SRGAP1: variants seen among roughly 807,000 people sequenced by gnomAD.
SRGAP1 encodes the protein SLIT-ROBO Rho GTPase activating protein 1.
In SRGAP1, 43 loss-of-function variants were observed where a neutral mutation model predicts 121.9. The observed-to-expected ratio is 0.35, with a 90% CI of 0.28 to 0.46. SRGAP1 has a LOEUF of 0.46. Ranked by LOEUF, SRGAP1 falls within the 20% of genes least tolerant of loss-of-function variation. SRGAP1 has a pLI of 1.00. For synonymous variants in SRGAP1, 447 were observed against 485.4 expected (o/e 0.92, Z 1.04); for missense variants, 1,102 against 1,350.9 (o/e 0.82, Z 2.89).
intron 1 of SRGAP1, among the ~76,000 whole-genome samples, chr12:63,871,207 C>A (rs1013764506): frequency 1.6e-4 from 24 of 152,222 alleles, no homozygotes; most frequent in African/African-American, 4.3e-4. Context: ...ACCTTTCTTA[C>A]AATTGCTCTC....
rs1034285820 is a variant in SRGAP1 at position 64,139,546 on chromosome 12, G to A, written c.2881-2749G>A. Among the ~76,000 whole-genome samples the A allele has an allele frequency of 3.3e-5, 5 of 151,992 alleles. 1 individual carries two copies. Among genetic ancestry groups the A allele is most frequent in the South Asian group, 4.2e-4 (2 of 4,810 alleles). ...TGGCTGCATAAATGTCTTCTTTTGA[G>A]AAGTGTCTGTTCATGTCCTTCGCCA... On this transcript the variant is annotated intron_variant, in intron 21 of 21. Coordinates refer to ENST00000355086, the MANE Select transcript of SRGAP1 (RefSeq NM_020762.4).
intron 1 of SRGAP1, among the ~76,000 whole-genome samples, chr12:63,850,233 T>TA (rs2136252508): frequency 6.6e-6 from 1 of 152,236 alleles, no homozygotes; most frequent in East Asian, 1.9e-4. Context: ...CAGAATATAT[T>TA]AAGGGATAGT....
chr12:64,101,310 T>G (rs554430294), intron 15 of SRGAP1, among the ~76,000 whole-genome samples: 88 of 124,316 alleles, frequency 7.1e-4, no homozygotes, highest in African/African-American at 2.0e-3. Context: ...GGGAAAGGGG[T>G]GTGTGTGTGT....
intron 1 of SRGAP1, among the ~76,000 whole-genome samples, chr12:63,901,415 C>A (rs2029921894): frequency 6.6e-6 from 1 of 152,214 alleles, no homozygotes; most frequent in Non-Finnish European, 1.5e-5. Context: ...GAGCTCACCC[C>A]TGTCTTTCTG....
chr12:63,901,447 C>T (rs570202080), intron 1 of SRGAP1, among the ~76,000 whole-genome samples: 1 of 152,260 alleles, frequency 6.6e-6, no homozygotes, highest in South Asian at 2.1e-4. Context: ...GCTTGTTCCT[C>T]CTTCCCCTGT....
At chr12:63,903,325 G>A (rs1260460893) in intron 1 of SRGAP1, among the ~76,000 whole-genome samples, 1 of 152,062 alleles carries the variant, frequency 6.6e-6, no homozygotes, top group Non-Finnish European at 1.5e-5. Context: ...TGATCCTTCT[G>A]CCTCAGCCTC....
chr12:63,937,711 C>T (rs2031711402), intron 1 of SRGAP1, among the ~76,000 whole-genome samples: 1 of 152,204 alleles, frequency 6.6e-6, no homozygotes, highest in South Asian at 2.1e-4. Flanking sequence ...CTTAATGAGA[C>T]ATGTAGCATG....
In SRGAP1 at chr12:64,143,957, C is replaced by A. The variant is rs2037009015; in HGVS notation, c.*1285C>A. On this transcript the variant is annotated 3_prime_UTR_variant, in exon 22 of 22. Coordinates refer to ENST00000355086, the MANE Select transcript of SRGAP1 (RefSeq NM_020762.4). ...CACCCAGTTGTGTACCTCACAACCA[C>A]AACTTCTTTTTCTTTGTCCCTTTTC... is the stretch of plus-strand genomic sequence containing the variant. The A allele has an allele frequency of 6.6e-6, 1 of 152,276 alleles. No homozygotes were observed. The highest frequency in any genetic ancestry group is 1.5e-5 in the Non-Finnish European group (1 of 68,088). 9.4% of individuals were successfully genotyped at this position (152,276 alleles called of 1,614,324 possible).
At chr12:63,886,310 C>G (rs1324198303) in intron 1 of SRGAP1, among the ~76,000 whole-genome samples, 1 of 152,072 alleles carries the variant, frequency 6.6e-6, no homozygotes, top group Non-Finnish European at 1.5e-5. Flanking sequence ...GATCCACGCC[C>G]TTTGGCCTCT....
chr12:64,132,335 A>G (rs898936236), intron 21 of SRGAP1, among the ~76,000 whole-genome samples: 2 of 152,196 alleles, frequency 1.3e-5, no homozygotes, highest in African/African-American at 4.8e-5. Flanking sequence ...GATGGGTCAT[A>G]TGGCCCAAGT....
chr12:63,997,929 C>T (rs916454518), intron 3 of SRGAP1, among the ~76,000 whole-genome samples: 15 of 152,050 alleles, frequency 9.9e-5, no homozygotes, highest in Admixed American at 7.9e-4. Context: ...AATGACCAAT[C>T]GAATACATAA....
rs2037130732 is a variant in SRGAP1 at position 64,152,686 on chromosome 12, A to C, written c.*10014A>C. The C allele has an allele frequency of 6.6e-6, 1 of 152,090 alleles. No homozygotes were observed. Among genetic ancestry groups the C allele is most frequent in the Admixed American group, 6.5e-5 (1 of 15,270 alleles). 9.4% of individuals were successfully genotyped at this position (152,090 alleles called of 1,614,324 possible). ...ACTTCATGTCATTCCTCAGCCTAAA[A>C]TGTCCCCTACTTCATCCTGACAACT... On this transcript the variant is annotated 3_prime_UTR_variant, in exon 22 of 22. Coordinates refer to ENST00000355086, the MANE Select transcript of SRGAP1 (RefSeq NM_020762.4).
intron 7 of SRGAP1, among the ~76,000 whole-genome samples, chr12:64,064,442 A>G (rs1433015266): frequency 6.6e-6 from 1 of 152,220 alleles, no homozygotes. Flanking sequence ...CTTGAAGTTC[A>G]TGGTGAATCA....
intron 4 of SRGAP1, among the ~76,000 whole-genome samples, chr12:64,040,035 C>T (rs369553137): frequency 6.6e-6 from 1 of 152,208 alleles, no homozygotes; most frequent in African/African-American, 2.4e-5. Context: ...GATTTACCAG[C>T]TTACATTTTT....
rs541621120 is a variant in SRGAP1 at position 64,142,957 on chromosome 12, G to A, written c.*285G>A. On this transcript the variant is annotated 3_prime_UTR_variant, in exon 22 of 22. Transcript: ENST00000355086. ...CACCACTTGTAATGAAGGCAACACCGCTCTCCACATTGTACAGAGCTTCAG... is the reference window on the plus strand; with the variant it reads ...CACCACTTGTAATGAAGGCAACACCACTCTCCACATTGTACAGAGCTTCAG... 19 of 392,454 alleles carry A rather than the reference G, an allele frequency of 4.8e-5. 1 individual carries two copies. In the Admixed American group the frequency reaches 5.5e-4, roughly 11 times the overall value. 24.3% of individuals were successfully genotyped at this position (392,454 alleles called of 1,614,324 possible).
rs147551846 is a variant in SRGAP1 at position 63,909,881 on chromosome 12, G to C, written c.67+64998G>C. Among the ~76,000 whole-genome samples the C allele has an allele frequency of 3.7e-3, 560 of 152,308 alleles. 15 individuals carry two copies. Among genetic ancestry groups the C allele is most frequent in the Non-Finnish European group, 1.1e-3 (72 of 68,032 alleles). ...AGAATTTTTTCTCTTTAGGAAACCT[G>C]AGTTTTTACTGTTAAGGCCTTTCAG... On this transcript the variant is annotated intron_variant, in intron 1 of 21. Coordinates refer to ENST00000355086, the MANE Select transcript of SRGAP1 (RefSeq NM_020762.4).
Position 63,861,302 on chromosome 12 carries a change from AT to A in SRGAP1, c.67+16434del, listed in dbSNP as rs71457100. On this transcript the variant is annotated intron_variant, in intron 1 of 21. Coordinates refer to ENST00000355086, the MANE Select transcript of SRGAP1 (RefSeq NM_020762.4). ...GGATGGTAGGCATATATATATATAT[AT>A]TTTTTTTTTTTTTTGAGGCAAAGTC... 3.5e-3 allele frequency among the ~76,000 whole-genome samples: 462 copies of A among 132,600 alleles called. 1 individual carries two copies. The highest frequency in any genetic ancestry group is 9.5e-3 in the African/African-American group (335 of 35,424). The allele number at this position is 132,600 out of a possible 152,430, so 87.0% of individuals were successfully genotyped here.
intron 1 of SRGAP1, among the ~76,000 whole-genome samples, chr12:63,955,627 G>A (rs1316688582): frequency 6.6e-6 from 1 of 151,534 alleles, no homozygotes; most frequent in African/African-American, 2.4e-5. Context: ...AATTCTCAAT[G>A]TTGGTTTTCT....
intron 1 of SRGAP1, among the ~76,000 whole-genome samples, chr12:63,936,344 C>T (rs2031661154): frequency 6.6e-6 from 1 of 152,114 alleles, no homozygotes; most frequent in South Asian, 2.1e-4. Flanking sequence ...TAAGCATATT[C>T]CCTTTCTATA....
Sources: gnomAD v4.1 joint callset for allele counts (sites outside exome capture counted in the v4.1 genomes callset) on GRCh38, gnomAD v4.1.1 for gene constraint, MANE v1.5 for transcripts, NCBI Gene and HGNC (gene_info 2026-07-23, HGNC 2026-07-21) for gene names.